Variants in PTK2 observed in about 807,000 individuals in gnomAD.
PTK2 encodes the protein focal adhesion kinase 1.
A neutral mutation model predicts 150.1 loss-of-function variants in PTK2; 45 were observed. The observed-to-expected ratio is 0.30, with a 90% confidence interval of 0.24 to 0.38. The LOEUF (loss-of-function observed/expected upper bound fraction) is 0.38. Among genes scored for constraint, PTK2 ranks in the 10% least tolerant of loss-of-function variants. The pLI is 1.00. For missense variants in PTK2, 919 were observed against 1,307.3 expected (o/e 0.70, Z 4.58); for synonymous variants, 432 against 449.2 (o/e 0.96, Z 0.48).
At chr8:140,685,313 C>A (rs1380035719) in intron 27 of PTK2, among the ~76,000 whole-genome samples, 4 of 152,182 alleles carry the variant, frequency 2.6e-5, no homozygotes, top group African/African-American at 9.7e-5. Context: ...CCAGGAAATA[C>A]TATTCTGGAC....
At chr8:140,708,620 T>C (rs1480014812) in intron 23 of PTK2, among the ~76,000 whole-genome samples, 1 of 152,092 alleles carries the variant, frequency 6.6e-6, no homozygotes, top group Non-Finnish European at 1.5e-5. Context: ...ACTCTAAACT[T>C]AACTAAATAA....
intron 2 of PTK2, among the ~76,000 whole-genome samples, chr8:140,901,777 A>G (rs1368199954): frequency 6.6e-6 from 1 of 151,920 alleles, no homozygotes; most frequent in East Asian, 1.9e-4. Context: ...TACATTAGGA[A>G]TATTTCTCAT....
Position 140,677,380 on chromosome 8 carries a change from T to C in PTK2, c.2563-1881A>G, listed in dbSNP as rs1050495643. 6.6e-5 allele frequency among the ~76,000 whole-genome samples: 10 copies of C among 152,332 alleles called. No homozygotes were observed. In the East Asian group the frequency reaches 1.9e-3, roughly 29 times the overall value. On this transcript the variant is annotated intron_variant, in intron 27 of 31. Transcript: ENST00000522684. Reference sequence around the variant, plus strand: ...AAGCCAAACCACAGCCCAGAACTTCTGTCCCAGGTACAGGATAAAGTTTCA... The same window carrying C: ...AAGCCAAACCACAGCCCAGAACTTCCGTCCCAGGTACAGGATAAAGTTTCA...
intron 10 of PTK2, among the ~76,000 whole-genome samples, chr8:140,814,685 G>A (rs1265161229): frequency 6.6e-6 from 1 of 151,886 alleles, no homozygotes; most frequent in African/African-American, 2.4e-5. Flanking sequence ...TAATAAGACA[G>A]TGTAGCAATT....
intron 12 of PTK2, 73 bp from the exon 13 acceptor site, chr8:140,793,457 G>A: frequency 9.3e-6 from 14 of 1,508,504 alleles, no homozygotes; most frequent in Non-Finnish European, 1.3e-5. Context: ...TAGAATCAGG[G>A]AGGAAGGATG....
intron 1 of PTK2, among the ~76,000 whole-genome samples, chr8:140,989,910 CAAA>C (rs11400792): frequency 1.2e-4 from 16 of 136,028 alleles, no homozygotes; most frequent in Non-Finnish European, 1.4e-4. Flanking sequence ...CTCTTTGTCT[CAAA>C]AAAAAAAAAA....
chr8:140,879,653 C>G lies in PTK2; in HGVS notation c.196-16G>C, dbSNP rs747790666. 5 of 430,520 alleles carry G rather than the reference C, an allele frequency of 1.2e-5. No homozygotes were observed. Among genetic ancestry groups the G allele is most frequent in the African/African-American group, 3.8e-5 (1 of 26,614 alleles). The allele number at this position is 430,520 out of a possible 1,614,324, so 26.7% of individuals were successfully genotyped here. The stretch of plus-strand genomic sequence containing the variant: ...GAATGATGCCCTAAAACATACCCCC[C>G]ACAAGAATGACTGTTATAAACTGAA... On this transcript the variant is annotated splice_polypyrimidine_tract_variant and intron_variant, in intron 3 of 31. Coordinates refer to ENST00000522684, the Ensembl canonical transcript of PTK2.
At chr8:140,736,918 G>A (rs1208440793) in intron 21 of PTK2, among the ~76,000 whole-genome samples, 1 of 152,146 alleles carries the variant, frequency 6.6e-6, no homozygotes, top group African/African-American at 2.4e-5. Context: ...AATGAAATCT[G>A]CCTCAAAAGA....
At chr8:140,764,160 A>T (rs541071255) in intron 15 of PTK2, 74 bp downstream of exon 17, 2 of 1,187,710 alleles carry the variant, frequency 1.7e-6, no homozygotes, top group Admixed American at 3.4e-5. Flanking sequence ...AAAAGACAGT[A>T]AGTATCAATA....
At chr8:140,733,625 C>T (rs980978150) in intron 22 of PTK2, among the ~76,000 whole-genome samples, 9 of 152,068 alleles carry the variant, frequency 5.9e-5, no homozygotes, top group Admixed American at 4.6e-4. Flanking sequence ...TGCAATAAAG[C>T]ATGTCCAAAA....
At chr8:140,947,016 T>C (rs2100177923) in intron 1 of PTK2, among the ~76,000 whole-genome samples, 1 of 152,174 alleles carries the variant, frequency 6.6e-6, no homozygotes, top group South Asian at 2.1e-4. Context: ...GGACAACTTA[T>C]ACCAGACTAC....
chr8:140,867,120 T>C (rs1448868087), intron 4 of PTK2, among the ~76,000 whole-genome samples: 1 of 152,086 alleles, frequency 6.6e-6, no homozygotes, highest in Non-Finnish European at 1.5e-5. Flanking sequence ...CCTTACCAAG[T>C]CATGATAGTC....
intron 21 of PTK2, among the ~76,000 whole-genome samples, chr8:140,738,653 G>C (rs1197709720): frequency 6.6e-6 from 1 of 152,216 alleles, no homozygotes; most frequent in Non-Finnish European, 1.5e-5. Flanking sequence ...AGTGTTTACT[G>C]TTTAATGTCA....
chr8:140,742,299 A>G (rs1428203744), intron 20 of PTK2, among the ~76,000 whole-genome samples: 1 of 152,190 alleles, frequency 6.6e-6, no homozygotes, highest in Non-Finnish European at 1.5e-5. Flanking sequence ...AAGACATTGG[A>G]GCTGATTTGA....
intron 2 of PTK2, among the ~76,000 whole-genome samples, chr8:140,922,926 G>A (rs979768808): frequency 1.3e-5 from 2 of 152,148 alleles, no homozygotes; most frequent in Admixed American, 6.5e-5. Flanking sequence ...GCAGGAGAGA[G>A]AGTGGTGTAA....
chr8:140,664,112 T>C (rs2085615150), intron 31 of PTK2, among the ~76,000 whole-genome samples: 1 of 152,128 alleles, frequency 6.6e-6, no homozygotes, highest in Admixed American at 6.6e-5. Flanking sequence ...GCCTCCCAAG[T>C]AGCTGGGACT....
At chr8:140,712,901 G>A (rs2100037589) in intron 23 of PTK2, among the ~76,000 whole-genome samples, 1 of 152,138 alleles carries the variant, frequency 6.6e-6, no homozygotes, top group South Asian at 2.1e-4. Context: ...TTTCTCTTTT[G>A]AGAAAATGTC....
intron 22 of PTK2, among the ~76,000 whole-genome samples, chr8:140,722,803 C>T (rs187975619): frequency 6.6e-6 from 1 of 152,096 alleles, no homozygotes; most frequent in Admixed American, 6.5e-5. Context: ...CCATAAAAAT[C>T]AAGAAAAAAA....
chr8:140,984,527 A>C (rs2100192611), intron 1 of PTK2, among the ~76,000 whole-genome samples: 1 of 152,156 alleles, frequency 6.6e-6, no homozygotes, highest in Non-Finnish European at 1.5e-5. Flanking sequence ...GCATGTATGC[A>C]CTTAAACGCT....
Sources: allele counts gnomAD v4.1 joint callset (sites outside exome capture counted in the v4.1 genomes callset), GRCh38; gene constraint gnomAD v4.1.1; transcripts MANE v1.5; gene names NCBI Gene and HGNC (gene_info 2026-07-23, HGNC 2026-07-21).